Variants in CR1 observed in about 807,000 individuals in gnomAD.
CR1 encodes the protein complement receptor type 1.
In CR1, 116 loss-of-function variants were observed where a neutral mutation model predicts 187.3. The ratio of observed to expected loss-of-function variants is 0.62; its 90% confidence interval spans 0.53 to 0.72. CR1 has a LOEUF of 0.72. Ranked by LOEUF, CR1 falls within the 30% of genes least tolerant of loss-of-function variation. CR1 has a pLI of 0.00. For missense variants in CR1, 1,731 were observed against 2,110.7 expected (o/e 0.82, Z 3.52); for synonymous variants, 576 against 747.1 (o/e 0.77, Z 3.73).
At chr1:207,517,989 T>C (rs540268900) in intron 4 of CR1, among the ~76,000 whole-genome samples, 28 of 152,308 alleles carry the variant, frequency 1.8e-4, no homozygotes, top group Admixed American at 7.2e-4. Flanking sequence ...CTATTTTCTC[T>C]TTTATTGATT....
intron 4 of CR1, among the ~76,000 whole-genome samples, chr1:207,520,140 T>C (rs932858288): frequency 2.6e-5 from 4 of 152,348 alleles, no homozygotes; most frequent in Admixed American, 2.0e-4. Context: ...ATTTAGAATA[T>C]GTTTAGCTTT....
At chr1:207,524,138 G>A in intron 5 of CR1, 129 bp downstream of exon 5, 1 of 1,571,356 alleles carries the variant, frequency 6.4e-7, no homozygotes, top group Non-Finnish European at 8.6e-7. Flanking sequence ...TCTAGGTAGT[G>A]AACATGAAAT....
intron 45 of CR1, among the ~76,000 whole-genome samples, chr1:207,625,908 C>A (rs1662466642): frequency 6.6e-6 from 1 of 152,174 alleles, no homozygotes; most frequent in Non-Finnish European, 1.5e-5. Flanking sequence ...AGGGAAGTCA[C>A]AAATCTCTGA....
At chr1:207,510,306 A>G (rs750985908) in intron 3 of CR1, among the ~76,000 whole-genome samples, 2 of 152,226 alleles carry the variant, frequency 1.3e-5, no homozygotes, top group Non-Finnish European at 2.9e-5. Flanking sequence ...GTAATAGTGC[A>G]TCAAGTATCT....
chr1:207,615,866 C>T (rs1318780315), intron 40 of CR1, among the ~76,000 whole-genome samples: 14 of 152,156 alleles, frequency 9.2e-5, no homozygotes, highest in Non-Finnish European at 1.9e-4. Context: ...GTTTGATGTA[C>T]TAGGTCTTTT....
intron 1 of CR1, among the ~76,000 whole-genome samples, chr1:207,499,175 T>C (rs1298810136): frequency 6.6e-6 from 1 of 152,172 alleles, no homozygotes; most frequent in Non-Finnish European, 1.5e-5. Flanking sequence ...AGATATACCA[T>C]GCTAATGCTA....
rs139654448 is a variant in CR1 at position 207,516,430 on chromosome 1, T to C, written c.487+4776T>C. Among the ~76,000 whole-genome samples, 550 of 152,342 alleles carry C rather than the reference T, an allele frequency of 3.6e-3. 6 individuals carry two copies. The highest frequency in any genetic ancestry group is 0.013 in the African/African-American group (536 of 41,572). On this transcript the variant is annotated intron_variant, in intron 4 of 46. Coordinates refer to ENST00000367049, the MANE Select transcript of CR1 (RefSeq NM_000651.6). ...CATTAAGATTTGATATCTGGTAGCA[T>C]ATATCTCCTAACTATGTGCATCTTC...
In CR1 at chr1:207,587,540, G is replaced by A. The variant is rs1237422285; in HGVS notation, c.5685G>A (p.Trp1895Ter). 1 of 1,613,866 alleles carries A rather than the reference G, an allele frequency of 6.2e-7. No homozygotes were observed. Residue 1895 changes from tryptophan (W) to a stop codon, truncating the protein, a stop_gained, in exon 34 of 47, where the codon TGG becomes TGA. Transcript: ENST00000367049. LOFTEE classifies it high-confidence loss of function. ...FSISCLENLV[W>*]SSVEDNCRRK... The stretch of plus-strand genomic sequence containing the variant: ...TCTCCTGCCTAGAAAACTTGGTCTG[G>A]TCAAGTGTTGAAGACAACTGTAGAC...
chr1:207,496,307 C>T lies in CR1; in HGVS notation c.40C>T (p.Pro14Ser). The T allele has an allele frequency of 1.2e-6, 2 of 1,613,652 alleles. No individual in the cohort carries two copies. Among genetic ancestry groups the T allele is most frequent in the Non-Finnish European group, 1.7e-6 (2 of 1,179,834 alleles). The change falls in exon 1 of 47, where the codon CCG becomes TCG. Residue 14 changes from proline (P) to serine (S), a missense_variant. Around this residue, in one of 5 missense-constraint regions of CR1, gnomAD observed 237 missense variants for 240.4 expected, o/e 0.99. Transcript: ENST00000367049. The stretch of plus-strand genomic sequence containing the variant: ...TCCAAGAAGCCCGGAGCCTGTCGGG[C>T]CGCCGGCGCCCGGTCTCCCCTTCTG... ...SSPRSPEPVG[P>S]PAPGLPFCCG...
chr1:207,626,960 C>T (rs1662496978), intron 45 of CR1, among the ~76,000 whole-genome samples: 1 of 152,150 alleles, frequency 6.6e-6, no homozygotes, highest in African/African-American at 2.4e-5. Context: ...ATTGCTTGAA[C>T]CCAGGAGGTG....
At chr1:207,517,772 A>G (rs1304256853) in intron 4 of CR1, among the ~76,000 whole-genome samples, 1 of 152,136 alleles carries the variant, frequency 6.6e-6, no homozygotes, top group Non-Finnish European at 1.5e-5. Context: ...TTCCTAGGTT[A>G]TCAGCATAAT....
At chr1:207,520,968 G>GTTTTTTTTTTTT (rs141546660) in intron 4 of CR1, among the ~76,000 whole-genome samples, 5 of 44,568 alleles carry the variant, frequency 1.1e-4, no homozygotes, top group Admixed American at 3.5e-4. Flanking sequence ...TTTTTTGGTT[G>GTTTTTTTTTTTT]TTTTTTTTTT....
In CR1 at chr1:207,639,563, T is replaced by C. The variant is rs144569962; in HGVS notation, c.*154T>C. The C allele has an allele frequency of 8.3e-3, 5,643 of 682,754 alleles. 223 individuals carry two copies. In the African/African-American group the frequency reaches 0.086, roughly 10 times the overall value. 42.3% of individuals were successfully genotyped at this position (682,754 alleles called of 1,614,324 possible). ...GCACTTGAAGATGCTGCCCCTTCCC[T>C]GGTACCTAGCAAAGCTCCTGCCTCT... On this transcript the variant is annotated 3_prime_UTR_variant, in exon 47 of 47. Transcript: ENST00000367049.
chr1:207,503,803 T>C (rs866768476), intron 1 of CR1, among the ~76,000 whole-genome samples: 1 of 152,232 alleles, frequency 6.6e-6, no homozygotes, highest in Non-Finnish European at 1.5e-5. Flanking sequence ...CCTTTCCATA[T>C]AGATTCTCAA....
intron 43 of CR1, among the ~76,000 whole-genome samples, 157 bp downstream of exon 43, chr1:207,620,222 G>A (rs12069256): frequency 1.5e-3 from 232 of 152,350 alleles, no homozygotes; most frequent in African/African-American, 5.0e-3. Flanking sequence ...CTCCCATAGT[G>A]AGAGTAAGGC....
intron 24 of CR1, among the ~76,000 whole-genome samples, chr1:207,567,473 G>A (rs1415364725): frequency 6.7e-6 from 1 of 150,276 alleles, no homozygotes; most frequent in Non-Finnish European, 1.5e-5. Flanking sequence ...GGATCCTGAT[G>A]AAGGGCTGAC....
intron 4 of CR1, among the ~76,000 whole-genome samples, chr1:207,512,961 T>C (rs2986990): frequency 2.1e-4 from 32 of 152,196 alleles, no homozygotes; most frequent in African/African-American, 3.1e-4. Context: ...CTTTTGATTG[T>C]GTAGCATGGT....
rs1660483650 is a variant in CR1 at position 207,565,992 on chromosome 1, T to C, written c.3952+69T>C. 1.9e-6 allele frequency: 3 copies of C among 1,566,020 alleles called. No individual in the cohort carries two copies. The Admixed American group carries it at 5.2e-5, about 27-fold the overall frequency. On this transcript the variant is annotated intron_variant, in intron 24 of 46. Coordinates refer to ENST00000367049, the MANE Select transcript of CR1 (RefSeq NM_000651.6). The stretch of plus-strand genomic sequence containing the variant: ...TCTGTTCACTATTTGTCCTATGGCC[T>C]CCCTCAATGTGATTCTTCAATATTC...
intron 35 of CR1, chr1:207,598,786 A>G (rs748427944): frequency 2.0e-5 from 3 of 152,272 alleles, no homozygotes; most frequent in Non-Finnish European, 2.9e-5. Flanking sequence ...AAATACTGAT[A>G]TATAGAAGAG....
Sources: allele counts gnomAD v4.1 joint callset (sites outside exome capture counted in the v4.1 genomes callset), GRCh38; gene constraint gnomAD v4.1.1; regional missense constraint gnomAD v4.1.1; transcripts MANE v1.5; gene names NCBI Gene and HGNC (gene_info 2026-07-23, HGNC 2026-07-21).